Variants in RXRA observed in about 807,000 individuals in gnomAD.
RXRA encodes retinoid X receptor alpha.
Under a neutral mutation model 44.5 loss-of-function variants are expected in RXRA, and 5 were observed. The ratio of observed to expected loss-of-function variants is 0.11; its 90% CI spans 0.06 to 0.24. RXRA has a LOEUF of 0.24. Among genes scored for constraint, RXRA ranks in the 10% least tolerant of loss-of-function variants. RXRA has a pLI of 1.00. For synonymous variants in RXRA, 291 were observed against 271.4 expected (o/e 1.07, Z -0.71); for missense variants, 412 against 646.5 (o/e 0.64, Z 3.93).
intron 1 of RXRA, among the ~76,000 whole-genome samples, chr9:134,396,414 C>A (rs766076821): frequency 3.3e-5 from 5 of 152,168 alleles, no homozygotes; most frequent in Non-Finnish European, 1.5e-5. Context: ...CCCTGGGAGG[C>A]CAGGGGAAGC....
intron 6 of RXRA, chr9:134,424,282 A>G (rs996685046): frequency 1.0e-6 from 1 of 985,210 alleles, no homozygotes. Context: ...AGGCCCTTCT[A>G]GGATGCCTGG....
chr9:134,387,398 C>T (rs62573105), intron 1 of RXRA, among the ~76,000 whole-genome samples: 1,760 of 152,342 alleles, frequency 0.012, 31 homozygotes, highest in African/African-American at 0.036. Flanking sequence ...CCCAAGACCA[C>T]GGGGAGCCTC....
rs782762578 is a variant in RXRA at position 134,343,755 on chromosome 9, C to T, written c.28+17096C>T. ...CTCCATCCGCCCGTCCCCAGCCGGGCGCGGCACTGAGCTGAGGGAGCCTGC... is the reference window on the plus strand; with the variant it reads ...CTCCATCCGCCCGTCCCCAGCCGGGTGCGGCACTGAGCTGAGGGAGCCTGC... On this transcript the variant is annotated intron_variant, in intron 1 of 9. Transcript: ENST00000481739. The surrounding 1 kb of genome is among the most constrained non-coding windows in gnomAD (Gnocchi z 4.1). Among the ~76,000 whole-genome samples, 1 of 152,114 alleles carries T rather than the reference C, an allele frequency of 6.6e-6. No individual in the cohort carries two copies. Among genetic ancestry groups the T allele is most frequent in the Non-Finnish European group, 1.5e-5 (1 of 68,008 alleles).
chr9:134,379,456 G>A lies in RXRA; in HGVS notation c.29-22176G>A, dbSNP rs149603368. On this transcript the variant is annotated intron_variant, in intron 1 of 9. Transcript: ENST00000481739. The stretch of plus-strand genomic sequence containing the variant: ...CATCCAGGCATCTGTGTCTGTGTCC[G>A]GGAAGTGGAGGAGGGCCCCCAGGAC... 5.5e-4 allele frequency: 545 copies of A among 987,236 alleles called. 2 individuals carry two copies. The African/African-American group carries it at 8.7e-3, about 16-fold the overall frequency. The allele number at this position is 987,236 out of a possible 1,614,324, so 61.2% of individuals were successfully genotyped here.
In RXRA at chr9:134,417,673, G is replaced by A. The variant is rs1263753049; in HGVS notation, c.780+346G>A. 2.6e-5 allele frequency among the ~76,000 whole-genome samples: 4 copies of A among 152,114 alleles called. No individual in the cohort carries two copies. The highest frequency in any genetic ancestry group is 9.7e-5 in the African/African-American group (4 of 41,416). ...GGAGTTTGGCCTGTCTCGGTGCAGA[G>A]GCTGTCCCTGCTCCCCGGTGCCACT... On this transcript the variant is annotated intron_variant, in intron 5 of 9. Coordinates refer to ENST00000481739, the MANE Select transcript of RXRA (RefSeq NM_002957.6). This position sits in a 1 kb window ranked among gnomAD's most constrained non-coding sequence, Gnocchi z 6.1.
chr9:134,367,111 A>T (rs1430081813), intron 1 of RXRA, among the ~76,000 whole-genome samples: 2 of 152,162 alleles, frequency 1.3e-5, no homozygotes, highest in East Asian at 3.9e-4. Context: ...ACACTTGCAC[A>T]GCCACCACCA....
chr9:134,391,904 A>T, intron 1 of RXRA, among the ~76,000 whole-genome samples: 1 of 152,322 alleles, frequency 6.6e-6, no homozygotes, highest in African/African-American at 2.4e-5. Context: ...CGGGGGCAGG[A>T]GGAGCGGCTC....
chr9:134,424,223 C>G, intron 6 of RXRA: 1 of 985,388 alleles, frequency 1.0e-6, no homozygotes, highest in Non-Finnish European at 1.2e-6. Context: ...GGTGGGGGCT[C>G]CCCGCAAGGC....
At chr9:134,409,619 C>T (rs907248624) in intron 4 of RXRA, among the ~76,000 whole-genome samples, 11 of 152,214 alleles carry the variant, frequency 7.2e-5, no homozygotes, top group African/African-American at 2.4e-4. Context: ...CCAAAATTGT[C>T]AAGTCATCCA....
chr9:134,402,058 G>A, intron 2 of RXRA, 176 bp downstream of exon 2: 1 of 611,272 alleles, frequency 1.6e-6, no homozygotes, highest in South Asian at 2.2e-5. Context: ...TTTGAGCCCA[G>A]GTGGGGCTGA....
In RXRA at chr9:134,426,726, C is replaced by A. The variant is rs745950172; in HGVS notation, c.911-2382C>A. 1.0e-6 allele frequency: 1 copy of A among 985,266 alleles called. No homozygotes were observed. Among genetic ancestry groups the A allele is most frequent in the Non-Finnish European group, 1.2e-6 (1 of 829,922 alleles). The allele number at this position is 985,266 out of a possible 1,614,324, so 61.0% of individuals were successfully genotyped here. On this transcript the variant is annotated intron_variant, in intron 6 of 9. Transcript: ENST00000481739. The surrounding 1 kb of genome is among the most constrained non-coding windows in gnomAD (Gnocchi z 4.6). ...AGTGGGAGGGGAGGTGGCCACTGCT[C>A]AGGTAAACCCCCAGGCCTGCAGGAT... is the stretch of plus-strand genomic sequence containing the variant.
In RXRA at chr9:134,423,326, C is replaced by T. The variant is rs980800515; in HGVS notation, c.910+1521C>T. The T allele has an allele frequency of 3.0e-6, 3 of 985,346 alleles. No individual in the cohort carries two copies. The African/African-American group carries it at 5.2e-5, about 17-fold the overall frequency. The allele number at this position is 985,346 out of a possible 1,614,324, so 61.0% of individuals were successfully genotyped here. A position where few individuals can be genotyped will look rare whatever the true frequency, so the allele number is the denominator to read the frequency against. On this transcript the variant is annotated intron_variant, in intron 6 of 9. Transcript: ENST00000481739. Reference sequence around the variant, plus strand: ...GCCAAGCTCCCTTAGGGCCGGGTGTCCCAGCTGCCTAGAGGCCCGCTACCG... The same window carrying T: ...GCCAAGCTCCCTTAGGGCCGGGTGTTCCAGCTGCCTAGAGGCCCGCTACCG...
At chr9:134,372,466 G>A (rs1447596757) in intron 1 of RXRA, among the ~76,000 whole-genome samples, 3 of 152,170 alleles carry the variant, frequency 2.0e-5, no homozygotes, top group African/African-American at 7.2e-5. Flanking sequence ...TCCCGTGAGG[G>A]GAGACAGTGG....
At position 134,365,963 on chromosome 9, in the gene RXRA, G is replaced by T. The variant is rs566449522; in HGVS notation, c.29-35669G>T. Among the ~76,000 whole-genome samples, 2 of 152,124 alleles carry T rather than the reference G, an allele frequency of 1.3e-5. No individual in the cohort carries two copies. The highest frequency in any genetic ancestry group is 4.8e-5 in the African/African-American group (2 of 41,404). Reference sequence around the variant, plus strand: ...CTGCCTCCAGTCAGGCGTCCGCTGAGCGACCCCTAGGAGCCGCCTGTCTTT... The same window carrying T: ...CTGCCTCCAGTCAGGCGTCCGCTGATCGACCCCTAGGAGCCGCCTGTCTTT... On this transcript the variant is annotated intron_variant, in intron 1 of 9. Transcript: ENST00000481739. This position sits in a 1 kb window ranked among gnomAD's most constrained non-coding sequence, Gnocchi z 4.0.
intron 1 of RXRA, among the ~76,000 whole-genome samples, chr9:134,381,347 T>C (rs577308510): frequency 6.6e-6 from 1 of 152,160 alleles, no homozygotes; most frequent in South Asian, 2.1e-4. Flanking sequence ...CCTTAGCTAG[T>C]GCTGACCGCG....
At chr9:134,356,483 G>A (rs1284767673) in intron 1 of RXRA, among the ~76,000 whole-genome samples, 1 of 152,140 alleles carries the variant, frequency 6.6e-6, no homozygotes, top group East Asian at 1.9e-4. Context: ...TGCCCACCAG[G>A]GCTTTCGGGG....
intron 6 of RXRA, chr9:134,422,339 A>AC: frequency 8.9e-7 from 1 of 1,118,674 alleles, no homozygotes; most frequent in Non-Finnish European, 1.1e-6. Flanking sequence ...CTGGGACACT[A>AC]CCCCCTCCCG....
chr9:134,435,721 C>T (rs936940449), intron 9 of RXRA, among the ~76,000 whole-genome samples: 2 of 152,176 alleles, frequency 1.3e-5, no homozygotes, highest in African/African-American at 2.4e-5. Flanking sequence ...TTCTTGGTTG[C>T]CCACCATGTG....
At chr9:134,401,972 T>C (rs1403859578) in intron 2 of RXRA, 90 bp downstream of exon 2, 2 of 1,085,844 alleles carry the variant, frequency 1.8e-6, no homozygotes, top group East Asian at 2.6e-5. Context: ...TCTTGAGGCC[T>C]CTGGGAGGTA....
Sources: allele counts gnomAD v4.1 joint callset (sites outside exome capture counted in the v4.1 genomes callset), GRCh38; gene constraint gnomAD v4.1.1; non-coding constraint Gnocchi (gnomAD v3.1); transcripts MANE v1.5; gene names NCBI Gene and HGNC (gene_info 2026-07-23, HGNC 2026-07-21).